The following C6orf62 variants were observed in gnomAD, a reference collection of about 807,000 sequenced individuals.
C6orf62 encodes chromosome 6 open reading frame 62.
In C6orf62, 16 loss-of-function variants were observed where a neutral mutation model predicts 26.8. That is an observed-to-expected ratio of 0.60 (90% CI 0.40 to 0.91). C6orf62 has a LOEUF of 0.91. Among genes scored for constraint, C6orf62 ranks in the 40% least tolerant of loss-of-function variants. C6orf62 has a pLI of 0.00. For missense variants in C6orf62, 192 were observed against 271.4 expected, an observed-to-expected ratio of 0.71 and a Z score of 2.06; for synonymous variants, 112 against 91.5, an observed-to-expected ratio of 1.22 and a Z score of -1.28.
At chr6:24,720,013 G>GGGGGGGGCCCCCCCCCCCC, upstream of C6orf62, 1 of 1,479,414 alleles carries the variant, frequency 6.8e-7, no homozygotes, top group Non-Finnish European at 9.0e-7. Flanking sequence ...TCTAAAGTAA[G>GGGGGGGGCCCCCCCCCCCC]CCCACCCACC....
At chr6:24,716,387 T>C (rs1377001591) in intron 1 of C6orf62, 63 bp from the exon 2 acceptor site, 2 of 1,165,262 alleles carry the variant, frequency 1.7e-6, no homozygotes, top group East Asian at 4.7e-5. Flanking sequence ...ACTCAGTTCA[T>C]ATTACAATGT....
rs996535067 is a variant in C6orf62, at chr6:24,705,115, T to C, written c.*1022A>G. The C allele has an allele frequency of 2.0e-5, 3 of 152,544 alleles. No individual in the cohort carries two copies. Among genetic ancestry groups the C allele is most frequent in the Non-Finnish European group, 2.9e-5 (2 of 67,964 alleles). 9.4% of individuals were successfully genotyped at this position (152,544 alleles called of 1,614,324 possible). ...ATACAGTAGTCTTTCCTTATGTTCA[T>C]TGCACAAAATGAGTTCTGCTTTTAG... is the stretch of plus-strand genomic sequence containing the variant. On this transcript the variant is annotated 3_prime_UTR_variant, in exon 5 of 5. Transcript: ENST00000378119.
chr6:24,709,245 A>C, intron 3 of C6orf62: 1 of 985,396 alleles, frequency 1.0e-6, no homozygotes, highest in Non-Finnish European at 1.2e-6. Flanking sequence ...CCACAACAGC[A>C]GTTGATCAGG....
chr6:24,709,899 A>G, intron 3 of C6orf62: 1 of 985,470 alleles, frequency 1.0e-6, no homozygotes, highest in Non-Finnish European at 1.2e-6. Context: ...GGTTCAAACA[A>G]ATTTTATTGC....
chr6:24,706,315 T>G, intron 4 of C6orf62, 53 bp from the exon 5 acceptor site: 1 of 1,598,562 alleles, frequency 6.3e-7, no homozygotes, highest in Non-Finnish European at 8.5e-7. Flanking sequence ...TTAGCGTAAC[T>G]GTCACATGAA....
upstream of C6orf62, chr6:24,720,145 T>G: frequency 1.4e-6 from 2 of 1,379,534 alleles, no homozygotes; most frequent in South Asian, 1.7e-5. Flanking sequence ...GGGGGTGGAA[T>G]TGAGGCAGCT....
intron 4 of C6orf62, 145 bp downstream of exon 4, chr6:24,708,632 C>T (rs1779060915): frequency 9.1e-7 from 1 of 1,100,906 alleles, no homozygotes. Context: ...GCCACCATGC[C>T]CAGCCTATTT....
At chr6:24,719,913 A>T (rs1038286255), upstream of C6orf62, 17 of 1,550,290 alleles carry the variant, frequency 1.1e-5, no homozygotes, top group South Asian at 2.4e-5. Flanking sequence ...TCATCGTGGA[A>T]ACAATTCCCG....
chr6:24,709,857 C>T, intron 3 of C6orf62: 2 of 984,048 alleles, frequency 2.0e-6, no homozygotes, highest in Non-Finnish European at 2.4e-6. Context: ...TTAGACAATA[C>T]TGAGTTGTAC....
intron 4 of C6orf62, among the ~76,000 whole-genome samples, chr6:24,707,677 G>A (rs943551428): frequency 3.3e-5 from 5 of 151,970 alleles, no homozygotes; most frequent in Admixed American, 6.6e-5. Flanking sequence ...AATAAATGTG[G>A]ATCTTTTAAA....
At chr6:24,712,241 G>A (rs1779133681) in intron 3 of C6orf62, among the ~76,000 whole-genome samples, 1 of 152,078 alleles carries the variant, frequency 6.6e-6, no homozygotes, top group African/African-American at 2.4e-5. Flanking sequence ...AATTAGCTGG[G>A]TGTCATAGCA....
intron 1 of C6orf62, among the ~76,000 whole-genome samples, chr6:24,717,034 T>C (rs538045103): frequency 6.6e-6 from 1 of 152,234 alleles, no homozygotes; most frequent in South Asian, 2.1e-4. Context: ...AAACCATCAA[T>C]ATTTGAAAGA....
At chr6:24,716,739 T>C (rs907582687) in intron 1 of C6orf62, among the ~76,000 whole-genome samples, 4 of 152,156 alleles carry the variant, frequency 2.6e-5, no homozygotes, top group Non-Finnish European at 5.9e-5. Context: ...TTTTTTTTTT[T>C]TGAGATGGAG....
intron 4 of C6orf62, among the ~76,000 whole-genome samples, chr6:24,708,071 G>T (rs1208589378): frequency 6.7e-6 from 1 of 148,802 alleles, no homozygotes; most frequent in Non-Finnish European, 1.5e-5. Flanking sequence ...TCACCTGAGG[G>T]TTCTGTTTAA....
At chr6:24,712,691 A>G (rs923303661) in intron 3 of C6orf62, among the ~76,000 whole-genome samples, 1 of 12,212 alleles carries the variant, frequency 8.2e-5, no homozygotes, top group Non-Finnish European at 1.5e-4. Flanking sequence ...ACTCTGTCTC[A>G]AAAAAAAAAA....
chr6:24,712,895 C>T (rs1779150424), intron 3 of C6orf62, among the ~76,000 whole-genome samples: 2 of 152,136 alleles, frequency 1.3e-5, no homozygotes, highest in African/African-American at 4.8e-5. Context: ...AAATCCTTAA[C>T]TAAAAAACAA....
At chr6:24,710,601 A>C (rs1779101932) in intron 3 of C6orf62, 1 of 972,920 alleles carries the variant, frequency 1.0e-6, no homozygotes. Flanking sequence ...TATAGGAGAA[A>C]AAAAAAAAAG....
intron 3 of C6orf62, among the ~76,000 whole-genome samples, chr6:24,713,280 G>A (rs1038562413): frequency 2.0e-5 from 3 of 152,146 alleles, no homozygotes; most frequent in Middle Eastern, 3.2e-3. Flanking sequence ...AGGGGAATCT[G>A]TATACAGTAC....
chr6:24,719,752 A>C (rs1426120588), upstream of C6orf62: 2 of 1,541,254 alleles, frequency 1.3e-6, no homozygotes, highest in African/African-American at 2.7e-5. Flanking sequence ...TTGCCGAGGC[A>C]AAGGTGGCGG....
Sources: allele counts gnomAD v4.1 joint callset (sites outside exome capture counted in the v4.1 genomes callset), GRCh38; gene constraint gnomAD v4.1.1; transcripts MANE v1.5; gene names NCBI Gene and HGNC (gene_info 2026-07-23, HGNC 2026-07-21).